TAF4B: variants seen among roughly 807,000 people sequenced by gnomAD.
The protein encoded by TAF4B is transcription initiation factor TFIID subunit 4B.
In TAF4B, 38 loss-of-function variants were observed where a neutral mutation model predicts 86.4. The ratio of observed to expected loss-of-function variants is 0.44; its 90% confidence interval spans 0.34 to 0.58. The LOEUF is 0.58. Among genes scored for constraint, TAF4B ranks in the 20% least tolerant of loss-of-function variants. The pLI is 0.02. For missense variants in TAF4B, 988 were observed against 1,027.6 expected (o/e 0.96, Z 0.53); for synonymous variants, 388 against 391.2 (o/e 0.99, Z 0.10).
chr18:26,233,600 C>T (rs917816145), intron 1 of TAF4B, among the ~76,000 whole-genome samples: 6 of 152,096 alleles, frequency 3.9e-5, no homozygotes, highest in African/African-American at 1.2e-4. Flanking sequence ...TAACAGGTTG[C>T]GCTGCATGCA....
chr18:26,260,175 A>T (rs1446471381), intron 1 of TAF4B, among the ~76,000 whole-genome samples: 1 of 151,892 alleles, frequency 6.6e-6, no homozygotes, highest in African/African-American at 2.4e-5. Context: ...TAGATTCTGG[A>T]TATTAGCCCT....
intron 1 of TAF4B, among the ~76,000 whole-genome samples, chr18:26,241,658 G>T (rs2055841302): frequency 6.6e-6 from 1 of 152,024 alleles, no homozygotes; most frequent in Admixed American, 6.6e-5. Flanking sequence ...TGCTTCTCTA[G>T]TTCTTTTAAT....
intron 9 of TAF4B, among the ~76,000 whole-genome samples, chr18:26,309,167 T>C (rs2056827530): frequency 6.7e-6 from 1 of 149,686 alleles, no homozygotes. Context: ...TATAAGTATA[T>C]ATAGACCAGC....
At chr18:26,274,869 T>G (rs775610467) in intron 4 of TAF4B, 45 bp downstream of exon 4, 35 of 1,612,750 alleles carry the variant, frequency 2.2e-5, no homozygotes, top group Non-Finnish European at 3.0e-5. Context: ...TCCTTGCAAG[T>G]TCTTTTGAAT....
At chr18:26,227,377 A>G in intron 1 of TAF4B, 101 bp downstream of exon 1, 3 of 1,007,472 alleles carry the variant, frequency 3.0e-6, no homozygotes, top group South Asian at 1.5e-5. Context: ...AGCCACGGGA[A>G]CATTTCATAA....
chr18:26,384,631 T>G (rs1469791457), intron 14 of TAF4B, among the ~76,000 whole-genome samples: 1 of 152,166 alleles, frequency 6.6e-6, no homozygotes, highest in Admixed American at 6.5e-5. Context: ...TAGGAAAAGT[T>G]TAACTAGTTT....
At chr18:26,331,554 CTAAATA>C (rs2057050606) in intron 12 of TAF4B, among the ~76,000 whole-genome samples, 3 of 152,144 alleles carry the variant, frequency 2.0e-5, no homozygotes, top group Non-Finnish European at 4.4e-5. Flanking sequence ...CCTCTCCCCT[CTAAATA>C]CCTTTTACTC....
chr18:26,301,568 A>G (rs1270558448), intron 9 of TAF4B, among the ~76,000 whole-genome samples: 1 of 152,132 alleles, frequency 6.6e-6, no homozygotes, highest in Non-Finnish European at 1.5e-5. Flanking sequence ...CGCTGGGATT[A>G]TAGACATGAG....
At chr18:26,339,986 C>T (rs774136519) in intron 13 of TAF4B, among the ~76,000 whole-genome samples, 6 of 152,168 alleles carry the variant, frequency 3.9e-5, no homozygotes, top group South Asian at 4.2e-4. Flanking sequence ...GATTTATTAT[C>T]GGATGGTGAG....
chr18:26,270,227 T>C (rs2056295903), intron 3 of TAF4B, among the ~76,000 whole-genome samples: 1 of 152,206 alleles, frequency 6.6e-6, no homozygotes, highest in African/African-American at 2.4e-5. Flanking sequence ...ATTACACTAC[T>C]TCTTCAGGGC....
chr18:26,259,203 C>T (rs1188674641), intron 1 of TAF4B, among the ~76,000 whole-genome samples: 1 of 151,402 alleles, frequency 6.6e-6, no homozygotes, highest in African/African-American at 2.4e-5. Context: ...TTCTCTCTCC[C>T]CTCTCTTTCT....
intron 1 of TAF4B, among the ~76,000 whole-genome samples, chr18:26,246,703 T>C (rs2055930893): frequency 6.6e-6 from 1 of 151,598 alleles, no homozygotes; most frequent in Non-Finnish European, 1.5e-5. Context: ...CTGGCTAATT[T>C]TTTATTTTTA....
rs1598738817 is a variant in TAF4B at position 26,265,089 on chromosome 18, A to G, written c.344-81A>G. On this transcript the variant is annotated intron_variant, in intron 1 of 14. Transcript: ENST00000269142. ...GAAGACATCTTTTTAAAGTGTTGAAAGAAATGGGAGAAGAAAATATGTGAT... is the reference window on the plus strand; with the variant it reads ...GAAGACATCTTTTTAAAGTGTTGAAGGAAATGGGAGAAGAAAATATGTGAT... 27 of 1,433,320 alleles carry G rather than the reference A, an allele frequency of 1.9e-5. No homozygotes were observed. In the East Asian group the frequency reaches 5.6e-4, roughly 29 times the overall value. 88.8% of individuals were successfully genotyped at this position (1,433,320 alleles called of 1,614,324 possible).
intron 9 of TAF4B, among the ~76,000 whole-genome samples, chr18:26,298,339 C>T (rs928661222): frequency 1.3e-5 from 2 of 151,966 alleles, no homozygotes; most frequent in African/African-American, 4.8e-5. Context: ...TGCCATTCTG[C>T]TGCCTCAGCC....
At chr18:26,278,055 G>A (rs572639486) in intron 5 of TAF4B, among the ~76,000 whole-genome samples, 1 of 152,226 alleles carries the variant, frequency 6.6e-6, no homozygotes, top group African/African-American at 2.4e-5. Flanking sequence ...AAATACCCAA[G>A]TCTGAATAAC....
chr18:26,308,464 A>G (rs75909950), intron 9 of TAF4B, among the ~76,000 whole-genome samples: 11,526 of 152,246 alleles, frequency 0.076, 539 homozygotes, highest in Non-Finnish European at 0.1. Context: ...TTGAAGTTAT[A>G]TAGGTAGGAG....
chr18:26,285,222 G>GTTTTTTTTTTTTTTTGTTTTTTTT (rs776976703), intron 6 of TAF4B, among the ~76,000 whole-genome samples: 1 of 45,660 alleles, frequency 2.2e-5, no homozygotes, highest in Non-Finnish European at 4.5e-5. Flanking sequence ...TTTTTTTTTT[G>GTTTTTTTTTTTTTTTGTTTTTTTT]TTTTTTTTTT....
At chr18:26,329,810 T>C (rs769067460) in intron 12 of TAF4B, among the ~76,000 whole-genome samples, 1 of 152,114 alleles carries the variant, frequency 6.6e-6, no homozygotes, top group Non-Finnish European at 1.5e-5. Flanking sequence ...CACTTTTTGA[T>C]TTTTATTTTT....
intron 14 of TAF4B, among the ~76,000 whole-genome samples, chr18:26,361,325 A>G (rs1483526906): frequency 7.0e-6 from 1 of 142,162 alleles, no homozygotes; most frequent in Admixed American, 7.3e-5. Flanking sequence ...GGGTCTCACT[A>G]TGTTGCCCAG....
Sources: allele counts gnomAD v4.1 joint callset (sites outside exome capture counted in the v4.1 genomes callset), GRCh38; gene constraint gnomAD v4.1.1; transcripts MANE v1.5; gene names NCBI Gene and HGNC (gene_info 2026-07-23, HGNC 2026-07-21).